The following WWOX variants were observed in gnomAD, a reference collection of about 807,000 sequenced individuals.
The protein encoded by WWOX is WW domain containing oxidoreductase.
In WWOX, 69 loss-of-function variants were observed where a neutral mutation model predicts 46.2. The ratio of observed to expected loss-of-function variants is 1.49; its 90% CI spans 1.23 to 1.82. The LOEUF (loss-of-function observed/expected upper bound fraction) is 1.82. Among genes scored for constraint, WWOX ranks in the 40% most tolerant of loss-of-function variants. WWOX has a pLI of 0.00. For missense variants in WWOX, 919 were observed against 542.6 expected (o/e 1.69, Z -6.89); for synonymous variants, 359 against 202.6 (o/e 1.77, Z -6.56).
intron 8 of WWOX, among the ~76,000 whole-genome samples, chr16:78,514,271 A>T (rs192306827): frequency 6.1e-4 from 93 of 152,296 alleles, no homozygotes; most frequent in African/African-American, 2.1e-3. Context: ...TCCTTTAGTA[A>T]TTAGATAATT....
intron 6 of WWOX, among the ~76,000 whole-genome samples, chr16:78,403,504 C>G (rs1299878194): frequency 1.3e-5 from 2 of 152,118 alleles, no homozygotes; most frequent in Non-Finnish European, 2.9e-5. Context: ...TAATTTGTAG[C>G]AATGCTAATG....
intron 8 of WWOX, among the ~76,000 whole-genome samples, chr16:78,792,353 A>G (rs886566611): frequency 6.6e-6 from 1 of 152,034 alleles, no homozygotes; most frequent in African/African-American, 2.4e-5. Context: ...TATCCTTTTC[A>G]TGGTTAAAGG....
At chr16:78,965,129 A>G (rs1246655654) in intron 8 of WWOX, among the ~76,000 whole-genome samples, 1 of 152,254 alleles carries the variant, frequency 6.6e-6, no homozygotes, top group Non-Finnish European at 1.5e-5. Flanking sequence ...GGCAGAGTCC[A>G]TACTGGGGCA....
At position 79,093,600 on chromosome 16, in the gene WWOX, G is replaced by C. The variant is rs543025385; in HGVS notation, c.1057-118008G>C. On this transcript the variant is annotated intron_variant, in intron 8 of 8. Transcript: ENST00000566780. Reference sequence around the variant, plus strand: ...ACTTCACCTTCCCAGCAGGCCTCCAGTGCCCGGTGCAGGGTGGCCCATTGG... The same window carrying C: ...ACTTCACCTTCCCAGCAGGCCTCCACTGCCCGGTGCAGGGTGGCCCATTGG... Among the ~76,000 whole-genome samples the C allele has an allele frequency of 2.6e-5, 4 of 152,274 alleles. No homozygotes were observed. In the South Asian group the frequency reaches 8.3e-4, roughly 32 times the overall value.
intron 5 of WWOX, among the ~76,000 whole-genome samples, chr16:78,328,847 G>C (rs200076876): frequency 6.4e-4 from 55 of 86,408 alleles, no homozygotes; most frequent in Middle Eastern, 0.011. Flanking sequence ...CTTTTCTTTT[G>C]TTTTCTTTTC....
At chr16:78,976,978 T>C (rs761792833) in intron 8 of WWOX, among the ~76,000 whole-genome samples, 4 of 152,190 alleles carry the variant, frequency 2.6e-5, no homozygotes, top group Non-Finnish European at 4.4e-5. Context: ...GTTCGTTTTA[T>C]GTTTTTGAAT....
In WWOX at chr16:78,307,160, G is replaced by A. The variant is rs1421984795; in HGVS notation, c.517-79700G>A. Among the ~76,000 whole-genome samples, 4 of 152,268 alleles carry A rather than the reference G, an allele frequency of 2.6e-5. No individual in the cohort carries two copies. The East Asian group carries it at 7.7e-4, about 29-fold the overall frequency. ...CTTATCAAGAACTTAAGCAGCATCT[G>A]TTAGAAAAGGTATTTTTTTTATGAA... On this transcript the variant is annotated intron_variant, in intron 5 of 8. Transcript: ENST00000566780.
chr16:78,703,689 G>T (rs923024134), intron 8 of WWOX, among the ~76,000 whole-genome samples: 3 of 151,976 alleles, frequency 2.0e-5, no homozygotes, highest in African/African-American at 7.3e-5. Context: ...AAAAAGATGG[G>T]TAACTCGGAA....
intron 8 of WWOX, among the ~76,000 whole-genome samples, chr16:78,500,368 C>A (rs929242397): frequency 6.6e-6 from 1 of 151,374 alleles, no homozygotes; most frequent in Admixed American, 6.6e-5. Flanking sequence ...ATACAGCCAA[C>A]ATTTTTGCAT....
chr16:79,032,804 A>T (rs2047791116), intron 8 of WWOX, among the ~76,000 whole-genome samples: 1 of 151,230 alleles, frequency 6.6e-6, no homozygotes, highest in Admixed American at 6.6e-5. Context: ...GTCCATGTGC[A>T]GGTTTGTTAT....
chr16:78,229,513 G>GAT (rs1287003695), intron 5 of WWOX, among the ~76,000 whole-genome samples: 13 of 116,836 alleles, frequency 1.1e-4, no homozygotes, highest in African/African-American at 4.3e-4. Flanking sequence ...TATCTATATA[G>GAT]AGATATATAT....
chr16:78,747,970 G>T lies in WWOX; in HGVS notation c.1056+315218G>T, dbSNP rs116753407. On this transcript the variant is annotated intron_variant, in intron 8 of 8. Coordinates refer to ENST00000566780, the MANE Select transcript of WWOX (RefSeq NM_016373.4). ...GCCGAAATAACCATGCTTCTTAGTGGTCCTCTTGCGTAGCAGCCTAAGAAA... is the reference window on the plus strand; with the variant it reads ...GCCGAAATAACCATGCTTCTTAGTGTTCCTCTTGCGTAGCAGCCTAAGAAA... Among the ~76,000 whole-genome samples the T allele has an allele frequency of 9.4e-3, 1,428 of 152,244 alleles. 26 individuals are homozygous for T. Among genetic ancestry groups the T allele is most frequent in the African/African-American group, 0.033 (1,370 of 41,534 alleles).
intron 8 of WWOX, among the ~76,000 whole-genome samples, chr16:78,998,957 G>T (rs908063841): frequency 8.5e-5 from 13 of 152,200 alleles, no homozygotes; most frequent in Admixed American, 8.5e-4. Flanking sequence ...TGCAGGATGG[G>T]TGTTGACAGA....
At chr16:78,780,852 C>G (rs2050307637) in intron 8 of WWOX, among the ~76,000 whole-genome samples, 1 of 152,180 alleles carries the variant, frequency 6.6e-6, no homozygotes, top group South Asian at 2.1e-4. Flanking sequence ...AAGGAAGCCA[C>G]TGAAGGGCAT....
chr16:78,903,280 T>G (rs1238407949), intron 8 of WWOX, among the ~76,000 whole-genome samples: 1 of 152,226 alleles, frequency 6.6e-6, no homozygotes, highest in Non-Finnish European at 1.5e-5. Flanking sequence ...TGAAGTGAAG[T>G]TACAAATATC....
At chr16:79,080,624 A>T (rs148113361) in intron 8 of WWOX, among the ~76,000 whole-genome samples, 1 of 152,188 alleles carries the variant, frequency 6.6e-6, no homozygotes, top group African/African-American at 2.4e-5. Context: ...TGGACCCAGT[A>T]TCTACATTTG....
chr16:79,092,552 G>C (rs1041117506), intron 8 of WWOX, among the ~76,000 whole-genome samples: 1 of 152,156 alleles, frequency 6.6e-6, no homozygotes, highest in Non-Finnish European at 1.5e-5. Context: ...CTGCAGTTCA[G>C]GGAAAAGGCC....
At chr16:78,566,665 G>C (rs906180075) in intron 8 of WWOX, among the ~76,000 whole-genome samples, 4 of 152,142 alleles carry the variant, frequency 2.6e-5, no homozygotes, top group African/African-American at 7.2e-5. Context: ...AAGTCTCTCA[G>C]GACAGGGCTC....
At chr16:78,161,798 G>C (rs1162262615) in intron 4 of WWOX, among the ~76,000 whole-genome samples, 1 of 151,858 alleles carries the variant, frequency 6.6e-6, no homozygotes, top group African/African-American at 2.4e-5. Flanking sequence ...TTTTAAATTT[G>C]TAGAGATTTA....
Sources: allele counts gnomAD v4.1 joint callset (sites outside exome capture counted in the v4.1 genomes callset), GRCh38; gene constraint gnomAD v4.1.1; transcripts MANE v1.5; gene names NCBI Gene and HGNC (gene_info 2026-07-23, HGNC 2026-07-21).